CTAGE1: variants seen among roughly 807,000 people sequenced by gnomAD.
CTAGE1 encodes the protein cutaneous T cell lymphoma-associated antigen 1, also known as cTAGE family member 2.
For synonymous variants in CTAGE1, 332 were observed against 302.8 expected, an observed-to-expected ratio of 1.10 and a Z score of -1.00; for missense variants, 963 against 855.9, an observed-to-expected ratio of 1.13 and a Z score of -1.56.
At position 22,416,298 on chromosome 18, in the gene CTAGE1, T is replaced by C. The variant is rs777804110; in HGVS notation, c.1514A>G (p.Tyr505Cys). Residue 505 changes from tyrosine to cysteine, a missense_variant, in exon 1 of 1, where the codon TAT becomes TGT. Physicochemically the swap from Tyr to Cys is radical, Grantham distance 194. Coordinates refer to ENST00000391403, the MANE Select transcript of CTAGE1 (RefSeq NM_172241.3). ...WPSSETRASL[Y>C]PPTLLEGPLR... ...AGGACCTTCCAACAAAGTTGGAGGA[T>C]AGAGAGAAGCTCTCGTTTCAGATGA... is the stretch of plus-strand genomic sequence containing the variant. 8 of 1,613,854 alleles carry C rather than the reference T, an allele frequency of 5.0e-6. No individual in the cohort carries two copies. Among genetic ancestry groups the C allele is most frequent in the African/African-American group, 1.3e-5 (1 of 74,928 alleles).
At position 22,416,975 on chromosome 18, in the gene CTAGE1, T is replaced by C. The variant is rs1361051286; in HGVS notation, c.837A>G (p.Pro279=). Residue 279 remains proline (P), a synonymous_variant, in exon 1 of 1, where the codon CCA becomes CCG. Coordinates refer to ENST00000391403, the MANE Select transcript of CTAGE1 (RefSeq NM_172241.3). The stretch of plus-strand genomic sequence containing the variant: ...GAATCAGTTTCTTCAAAGCTCCTTT[T>C]GGAGGATTATCTAAGTAAGCACCAT... ...SEDGAYLDNP[P]KGALKKLIHA... is the part of the protein sequence containing the mutation. 6.2e-7 allele frequency: 1 copy of C among 1,614,062 alleles called. No homozygotes were observed. Among genetic ancestry groups the C allele is most frequent in the South Asian group, 1.1e-5 (1 of 91,074 alleles).
At position 22,417,729 on chromosome 18, in the gene CTAGE1, A is replaced by C; in HGVS notation, c.83T>G (p.Phe28Cys). 6.2e-7 allele frequency: 1 copy of C among 1,614,202 alleles called. No individual in the cohort carries two copies. Among genetic ancestry groups the C allele is most frequent in the Non-Finnish European group, 8.5e-7 (1 of 1,180,026 alleles). ...AACTGATCTAAAACTTCTCCACAAG[A>C]AGAGAACAGCAAAAAATCCAGCAAC... is the stretch of plus-strand genomic sequence containing the variant. ...AAVAGFFAVL[F>C]LWRSFRSVTS... The change falls in exon 1 of 1, where the codon TTC becomes TGC. Residue 28 changes from phenylalanine to cysteine, a missense_variant. Transcript: ENST00000391403.
Position 22,415,751 on chromosome 18 carries a change from A to T in CTAGE1, c.2061T>A (p.Pro687=). ...CGGTTCCTGGAGGAGGTGGGGGGAA[A>T]GGAGGTCCTCTTCTTATGAACGGGC... ...TRGPFIRRGP[P]FPPPPPGTVF... is the part of the protein sequence containing the mutation. Residue 687 remains proline (P), a synonymous_variant, in exon 1 of 1, where the codon CCT becomes CCA. Transcript: ENST00000391403. The T allele has an allele frequency of 6.2e-7, 1 of 1,614,006 alleles. No homozygotes were observed. The highest frequency in any genetic ancestry group is 8.5e-7 in the Non-Finnish European group (1 of 1,179,910).
Position 22,415,274 on chromosome 18 carries a change from C to A in CTAGE1, c.*300G>T. On this transcript the variant is annotated 3_prime_UTR_variant, in exon 1 of 1. Coordinates refer to ENST00000391403, the MANE Select transcript of CTAGE1 (RefSeq NM_172241.3). ...ATTCTTTATATAATAGTGGATTAAT[C>A]AAATTAAAAGTTATACTATCTAGAA... The A allele has an allele frequency of 9.9e-6, 3 of 303,908 alleles. No individual in the cohort carries two copies. The highest frequency in any genetic ancestry group is 1.2e-5 in the Non-Finnish European group (2 of 167,410). The allele number at this position is 303,908 out of a possible 1,614,324, so 18.8% of individuals were successfully genotyped here. A position where few individuals can be genotyped will look rare whatever the true frequency, so the allele number is the denominator to read the frequency against.
At position 22,417,064 on chromosome 18, in the gene CTAGE1, T is replaced by C. The variant is rs369356584; in HGVS notation, c.748A>G (p.Met250Val). The C allele has an allele frequency of 3.1e-6, 5 of 1,613,834 alleles. No homozygotes were observed. The highest frequency in any genetic ancestry group is 3.4e-6 in the Non-Finnish European group (4 of 1,179,852). ...TCATCCGTTACATCTTCTTCAAGCA[T>C]AGCAACCCCATCTTTCATCTTTAGC... The part of the protein sequence containing the change: ...RLLKMKDGVA[M>V]LEEDVTDDDN... The change falls in exon 1 of 1, where the codon ATG becomes GTG. Residue 250 changes from methionine to valine, a missense_variant. Met to Val is a conservative substitution (Grantham distance 21). Transcript: ENST00000391403.
chr18:22,415,617 C>G lies in CTAGE1; in HGVS notation c.2195G>C (p.Arg732Pro). 6.2e-7 allele frequency: 1 copy of G among 1,612,404 alleles called. No individual in the cohort carries two copies. Among genetic ancestry groups the G allele is most frequent in the Non-Finnish European group, 8.5e-7 (1 of 1,179,416 alleles). The change falls in exon 1 of 1, where the codon CGT becomes CCT. Residue 732 changes from arginine to proline, a missense_variant. Transcript: ENST00000391403. ...VYLPRGFLPY[R>P]PPRPAFFPPA... ...GGGGAAAAATGCAGGTCTTGGGGGA[C>G]GGTAAGGAAGAAAACCTCTCGGTAA...
In CTAGE1 at chr18:22,417,385, T is replaced by A; in HGVS notation, c.427A>T (p.Ile143Leu). ...TTTGACTCATCTTCTAGCGACTGTA[T>A]CCTTTTGGAAATATCCGCCATCAAT... is the stretch of plus-strand genomic sequence containing the variant. ...NELMADISKR[I>L]QSLEDESKSL... is the part of the protein sequence containing the mutation. The change falls in exon 1 of 1, where the codon ATA becomes TTA. Residue 143 changes from isoleucine to leucine, a missense_variant. By Grantham distance (5) the Ile-to-Leu change is conservative (BLOSUM62 2). Transcript: ENST00000391403. 6.2e-7 allele frequency: 1 copy of A among 1,614,006 alleles called. No homozygotes were observed. The highest frequency in any genetic ancestry group is 8.5e-7 in the Non-Finnish European group (1 of 1,179,868).
chr18:22,417,020 T>C lies in CTAGE1; in HGVS notation c.792A>G (p.Glu264=), dbSNP rs1395498489. The change falls in exon 1 of 1, where the codon GAA becomes GAG. Residue 264 remains glutamate (E), a synonymous_variant. Transcript: ENST00000391403. ...CACCATCTTCCGATTCACTGTTCAT[T>C]TCTAATTCCAAGTTATCATCATCCG... ...DVTDDDNLEL[E]MNSESEDGAY... 1.9e-6 allele frequency: 3 copies of C among 1,613,910 alleles called. No individual in the cohort carries two copies. Among genetic ancestry groups the C allele is most frequent in the African/African-American group, 1.3e-5 (1 of 74,936 alleles).
Position 22,414,853 on chromosome 18 carries a change from A to G in CTAGE1, c.*721T>C, listed in dbSNP as rs1013214578. ...ATTATGTAATGATATGATGACAAAC[A>G]TAGGAAGAAATTAGCTTAGGGAAGA... is the stretch of plus-strand genomic sequence containing the variant. On this transcript the variant is annotated 3_prime_UTR_variant, in exon 1 of 1. Coordinates refer to ENST00000391403, the MANE Select transcript of CTAGE1 (RefSeq NM_172241.3). 3 of 698,516 alleles carry G rather than the reference A, an allele frequency of 4.3e-6. No homozygotes were observed. Among genetic ancestry groups the G allele is most frequent in the African/African-American group, 1.8e-5 (1 of 56,968 alleles). The allele number at this position is 698,516 out of a possible 1,614,324, so 43.3% of individuals were successfully genotyped here.
rs763766696 is a variant in CTAGE1, at chr18:22,416,131, C to A, written c.1681G>T (p.Ala561Ser). 6.2e-7 allele frequency: 1 copy of A among 1,613,926 alleles called. No homozygotes were observed. The highest frequency in any genetic ancestry group is 1.3e-5 in the African/African-American group (1 of 75,014). ...LTDPHRAPSDAGPLAPPWEQD... is the reference protein window; with the variant it reads ...LTDPHRAPSDSGPLAPPWEQD... Reference sequence around the variant, plus strand: ...TCCCACGGAGGTGCCAGGGGCCCAGCGTCAGAAGGAGCCCTGTGAGGATCA... The same window carrying A: ...TCCCACGGAGGTGCCAGGGGCCCAGAGTCAGAAGGAGCCCTGTGAGGATCA... Residue 561 changes from alanine to serine, a missense_variant, in exon 1 of 1, where the codon GCT (alanine) becomes TCT (serine). Transcript: ENST00000391403.
In CTAGE1 at chr18:22,416,750, T is replaced by G. The variant is rs1177539606; in HGVS notation, c.1062A>C (p.Val354=). 1 of 1,612,662 alleles carries G rather than the reference T, an allele frequency of 6.2e-7. No homozygotes were observed. Among genetic ancestry groups the G allele is most frequent in the Admixed American group, 1.7e-5 (1 of 59,924 alleles). ...CATTTTCTTGATATAATTCAGTCAT[T>G]ACTTTAAGTTTCTGCTGAAGCTTCT... The part of the protein sequence containing the change: ...ENQKLQQKLK[V]MTELYQENEM... The change falls in exon 1 of 1, where the codon GTA becomes GTC. Residue 354 remains valine (V), a synonymous_variant. Transcript: ENST00000391403.
At position 22,414,323 on chromosome 18, in the gene CTAGE1, T is replaced by C. The variant is rs1383331673; in HGVS notation, c.*1251A>G. 1 of 218,516 alleles carries C rather than the reference T, an allele frequency of 4.6e-6. No individual in the cohort carries two copies. The highest frequency in any genetic ancestry group is 2.3e-5 in the African/African-American group (1 of 43,580). 13.5% of individuals were successfully genotyped at this position (218,516 alleles called of 1,614,324 possible). ...GGTTCAAGGGAAGACGGAAAATGTA[T>C]AGGAAGCCCCAGTGTACAATAAGGG... On this transcript the variant is annotated 3_prime_UTR_variant, in exon 1 of 1. Coordinates refer to ENST00000391403, the MANE Select transcript of CTAGE1 (RefSeq NM_172241.3).
rs1029931272 is a variant in CTAGE1 at position 22,415,378 on chromosome 18, T to G, written c.*196A>C. On this transcript the variant is annotated 3_prime_UTR_variant, in exon 1 of 1. Transcript: ENST00000391403. ...TTACAAAATACTATCCTGGGAATTA[T>G]AGTTCCATTAAGTTTCAATCTGAAC... 3.7e-6 allele frequency: 2 copies of G among 538,952 alleles called. No homozygotes were observed. The allele number at this position is 538,952 out of a possible 1,614,324, so 33.4% of individuals were successfully genotyped here. A position where few individuals can be genotyped will look rare whatever the true frequency, so the allele number is the denominator to read the frequency against.
Position 22,416,967 on chromosome 18 carries a change from G to C in CTAGE1, c.845C>G (p.Ala282Gly). Residue 282 changes from alanine (A) to glycine (G), a missense_variant, in exon 1 of 1, where the codon GCT becomes GGT. Coordinates refer to ENST00000391403, the MANE Select transcript of CTAGE1 (RefSeq NM_172241.3). ...GAYLDNPPKG[A>G]LKKLIHAAKL... ...AGCAGCATGAATCAGTTTCTTCAAA[G>C]CTCCTTTTGGAGGATTATCTAAGTA... 1 of 1,613,978 alleles carries C rather than the reference G, an allele frequency of 6.2e-7. No homozygotes were observed. Among genetic ancestry groups the C allele is most frequent in the Non-Finnish European group, 8.5e-7 (1 of 1,179,910 alleles).
chr18:22,413,683 A>G lies in CTAGE1; in HGVS notation c.*1891T>C, dbSNP rs1052549922. ...CATGGAAAAAAATTAGTAGTCATTC[A>G]ACAAAAGCAAATATTATTTTTCTTA... On this transcript the variant is annotated 3_prime_UTR_variant, in exon 1 of 1. Coordinates refer to ENST00000391403, the MANE Select transcript of CTAGE1 (RefSeq NM_172241.3). 2 of 152,206 alleles carry G rather than the reference A, an allele frequency of 1.3e-5. No individual in the cohort carries two copies. The highest frequency in any genetic ancestry group is 4.8e-5 in the African/African-American group (2 of 41,454). 9.4% of individuals were successfully genotyped at this position (152,206 alleles called of 1,614,324 possible).
Position 22,416,453 on chromosome 18 carries a change from GTTGTGAGCATTTTC to G in CTAGE1, c.1345_1358del (p.Glu449GlnfsTer6), listed in dbSNP as rs1382199540. ...ACTCTATTTCAGTTAATTTTTGTCT[GTTGTGAGCATTTTC>G]TTTCCTTAAATCATTGAGGTTTCTT... On this transcript the variant is annotated frameshift_variant, in exon 1 of 1. Transcript: ENST00000391403. LOFTEE classifies it low-confidence loss of function (END_TRUNC). 5.0e-6 allele frequency: 8 copies of G among 1,613,848 alleles called. No individual in the cohort carries two copies. The highest frequency in any genetic ancestry group is 5.9e-6 in the Non-Finnish European group (7 of 1,179,970).
In CTAGE1 at chr18:22,416,231, G is replaced by T. The variant is rs2035013458; in HGVS notation, c.1581C>A (p.Gly527=). ...CCGGAGGATTCCCTGGGCCTCTGGA[G>T]CCTCTTCCTCCTCCCCGTGGAAGCA... is the stretch of plus-strand genomic sequence containing the variant. ...SPLLPRGGGR[G]SRGPGNPPDH... Residue 527 remains glycine, a synonymous_variant, in exon 1 of 1, where the codon GGC becomes GGA. Transcript: ENST00000391403. The T allele has an allele frequency of 1.2e-6, 2 of 1,613,936 alleles. No homozygotes were observed. The highest frequency in any genetic ancestry group is 2.2e-5 in the East Asian group (1 of 44,858).
rs1237414120 is a variant in CTAGE1 at position 22,414,663 on chromosome 18, C to T, written c.*911G>A. The T allele has an allele frequency of 2.8e-6, 2 of 702,402 alleles. No individual in the cohort carries two copies. Among genetic ancestry groups the T allele is most frequent in the South Asian group, 1.5e-5 (1 of 67,326 alleles). The allele number at this position is 702,402 out of a possible 1,614,324, so 43.5% of individuals were successfully genotyped here. On this transcript the variant is annotated 3_prime_UTR_variant, in exon 1 of 1. Coordinates refer to ENST00000391403, the MANE Select transcript of CTAGE1 (RefSeq NM_172241.3). ...GATTTACTCCTTCCCCTTGCCACAG[C>T]AAGAGAAAAGCAGAACATAAAACTA...
Position 22,416,908 on chromosome 18 carries a change from C to G in CTAGE1, c.904G>C (p.Glu302Gln). Reference sequence around the variant, plus strand: ...AATTGAATATAAATTTGGTTTCTTTCTCCTTCTAAGGTTTTTAAGGAAGCA... The same window carrying G: ...AATTGAATATAAATTTGGTTTCTTTGTCCTTCTAAGGTTTTTAAGGAAGCA... ...LNASLKTLEG[E>Q]RNQIYIQLSE... Residue 302 changes from glutamate to glutamine, a missense_variant, in exon 1 of 1, where the codon GAA becomes CAA. Transcript: ENST00000391403. 1 of 1,613,792 alleles carries G rather than the reference C, an allele frequency of 6.2e-7. No homozygotes were observed. Among genetic ancestry groups the G allele is most frequent in the Non-Finnish European group, 8.5e-7 (1 of 1,179,864 alleles).
Sources: gnomAD v4.1 joint callset for allele counts on GRCh38, gnomAD v4.1.1 for gene constraint, MANE v1.5 for transcripts, NCBI Gene and HGNC (gene_info 2026-07-23, HGNC 2026-07-21) for gene names.